The following FBXO28 variants were observed in gnomAD, a reference collection of about 807,000 sequenced individuals.
FBXO28 encodes F-box protein 28.
Under a neutral mutation model 38.1 loss-of-function variants are expected in FBXO28, and 8 were observed. The ratio of observed to expected loss-of-function variants is 0.21; its 90% CI spans 0.12 to 0.38. The LOEUF (loss-of-function observed/expected upper bound fraction) is 0.38. Ranked by LOEUF, FBXO28 falls within the 10% of genes least tolerant of loss-of-function variation. The pLI, the probability that FBXO28 is intolerant of heterozygous loss-of-function variation, is 1.00. For synonymous variants in FBXO28, 168 were observed against 173.8 expected (o/e 0.97, Z 0.26); for missense variants, 345 against 460.6 (o/e 0.75, Z 2.30).
intron 3 of FBXO28, among the ~76,000 whole-genome samples, chr1:224,149,568 A>G (rs1572024550): frequency 6.6e-6 from 1 of 152,286 alleles, no homozygotes; most frequent in East Asian, 1.9e-4. Flanking sequence ...AATTAATGTT[A>G]AACAATTAAT....
intron 3 of FBXO28, among the ~76,000 whole-genome samples, chr1:224,134,598 T>G (rs1192522364): frequency 6.6e-6 from 1 of 152,184 alleles, no homozygotes; most frequent in Non-Finnish European, 1.5e-5. Flanking sequence ...TTTTGTTTTG[T>G]TTGAGAAATG....
intron 2 of FBXO28, among the ~76,000 whole-genome samples, 172 bp from the exon 3 acceptor site, chr1:224,133,902 G>T (rs951044202): frequency 6.6e-6 from 1 of 151,858 alleles, no homozygotes; most frequent in Non-Finnish European, 1.5e-5. Context: ...CTTTGGTAAC[G>T]ATTTCTAGGC....
chr1:224,146,979 T>C (rs1572022785), intron 3 of FBXO28, among the ~76,000 whole-genome samples: 1 of 151,704 alleles, frequency 6.6e-6, no homozygotes, highest in African/African-American at 2.4e-5. Flanking sequence ...GTGCTGGGAT[T>C]ACAGGCGTGA....
intron 2 of FBXO28, among the ~76,000 whole-genome samples, chr1:224,132,414 C>T (rs1018842692): frequency 1.3e-5 from 2 of 152,158 alleles, no homozygotes; most frequent in Non-Finnish European, 2.9e-5. Flanking sequence ...ACTAGGATGG[C>T]TACAATGGAA....
chr1:224,154,775 G>A (rs910532286), intron 4 of FBXO28, among the ~76,000 whole-genome samples: 3 of 149,826 alleles, frequency 2.0e-5, no homozygotes, highest in Non-Finnish European at 4.4e-5. Flanking sequence ...TCGTGCCACT[G>A]CACTCCAGCC....
Position 224,114,251 on chromosome 1 carries a change from C to T in FBXO28, c.122C>T (p.Pro41Leu), listed in dbSNP as rs1299964910. 6 of 1,554,120 alleles carry T rather than the reference C, an allele frequency of 3.9e-6. No individual in the cohort carries two copies. The highest frequency in any genetic ancestry group is 2.7e-5 in the African/African-American group (2 of 73,368). Residue 41 changes from proline to leucine, a missense_variant, in exon 1 of 5, where the codon CCG becomes CTG. Pro to Leu is a moderately conservative substitution (Grantham distance 98, BLOSUM62 -3). Transcript: ENST00000366862. ...RQPPPPAPQH[P>L]QPGSQALPAP... ...CCTCCACCGCCCGCGCCACAGCACCCGCAGCCGGGGTCCCAGGCGCTCCCA... is the reference window on the plus strand; with the variant it reads ...CCTCCACCGCCCGCGCCACAGCACCTGCAGCCGGGGTCCCAGGCGCTCCCA...
intron 3 of FBXO28, among the ~76,000 whole-genome samples, chr1:224,152,317 G>A (rs114371346): frequency 0.012 from 1,775 of 152,262 alleles, 38 homozygotes; most frequent in African/African-American, 0.038. Context: ...TAGAGCACAT[G>A]GGGGCAGTAT....
chr1:224,140,883 T>G (rs905876851), intron 3 of FBXO28, among the ~76,000 whole-genome samples: 5 of 141,990 alleles, frequency 3.5e-5, no homozygotes, highest in African/African-American at 1.3e-4. Context: ...GAGGTGGAGG[T>G]TGCAGTGAGC....
chr1:224,157,987 A>G lies in FBXO28; in HGVS notation c.*241A>G. On this transcript the variant is annotated 3_prime_UTR_variant, in exon 5 of 5. Coordinates refer to ENST00000366862, the MANE Select transcript of FBXO28 (RefSeq NM_015176.4). The stretch of plus-strand genomic sequence containing the variant: ...ACCAGACCTGTTCTATCATGTTTTG[A>G]GGAGTTAACTTTTTTCTGTGCAGAT... The G allele has an allele frequency of 3.2e-6, 4 of 1,268,610 alleles. No individual in the cohort carries two copies. The highest frequency in any genetic ancestry group is 4.0e-6 in the Non-Finnish European group (4 of 1,009,334). 78.6% of individuals were successfully genotyped at this position (1,268,610 alleles called of 1,614,324 possible). A position where few individuals can be genotyped will look rare whatever the true frequency, so the allele number is the denominator to read the frequency against.
intron 3 of FBXO28, among the ~76,000 whole-genome samples, chr1:224,147,005 CA>C (rs1657524628): frequency 6.6e-6 from 1 of 151,646 alleles, no homozygotes; most frequent in Non-Finnish European, 1.5e-5. Flanking sequence ...CGTGCCTGGC[CA>C]AAAATATTTT....
chr1:224,143,424 T>C (rs1389349055), intron 3 of FBXO28, among the ~76,000 whole-genome samples: 1 of 152,146 alleles, frequency 6.6e-6, no homozygotes, highest in Non-Finnish European at 1.5e-5. Context: ...GAGGGTGCCC[T>C]GCAGTGAGAT....
chr1:224,148,831 C>G (rs1657572901), intron 3 of FBXO28, among the ~76,000 whole-genome samples: 1 of 128,576 alleles, frequency 7.8e-6, no homozygotes, highest in African/African-American at 3.0e-5. Flanking sequence ...TCCTCCTGCT[C>G]TAACTTCCCT....
At chr1:224,148,426 G>T (rs145758928) in intron 3 of FBXO28, among the ~76,000 whole-genome samples, 2 of 152,086 alleles carry the variant, frequency 1.3e-5, no homozygotes, top group Non-Finnish European at 2.9e-5. Context: ...CGAGGCAGGC[G>T]GATCATGAGG....
intron 3 of FBXO28, among the ~76,000 whole-genome samples, chr1:224,151,085 A>T (rs187619611): frequency 2.6e-5 from 4 of 152,278 alleles, no homozygotes; most frequent in Non-Finnish European, 4.4e-5. Context: ...GTAAGTTTTT[A>T]TTGGGGAAAG....
At chr1:224,119,001 T>C (rs1218378383) in intron 1 of FBXO28, among the ~76,000 whole-genome samples, 1 of 152,182 alleles carries the variant, frequency 6.6e-6, no homozygotes, top group Non-Finnish European at 1.5e-5. Flanking sequence ...TGAGAATAGT[T>C]TGGCCTTGCA....
rs746565046 is a variant in FBXO28 at position 224,158,688 on chromosome 1, C to G, written c.*942C>G. 6.6e-6 allele frequency: 1 copy of G among 152,188 alleles called. No individual in the cohort carries two copies. The highest frequency in any genetic ancestry group is 2.4e-5 in the African/African-American group (1 of 41,440). 9.4% of individuals were successfully genotyped at this position (152,188 alleles called of 1,614,324 possible). A position where few individuals can be genotyped will look rare whatever the true frequency, so the allele number is the denominator to read the frequency against. ...AGAACCCCAAATTTCAAGGCTCTTTCTATCAATATTGGACCTCTGGGAGCT... is the reference window on the plus strand; with the variant it reads ...AGAACCCCAAATTTCAAGGCTCTTTGTATCAATATTGGACCTCTGGGAGCT... On this transcript the variant is annotated 3_prime_UTR_variant, in exon 5 of 5. Transcript: ENST00000366862.
At chr1:224,137,567 A>G (rs1339029380) in intron 3 of FBXO28, among the ~76,000 whole-genome samples, 1 of 151,796 alleles carries the variant, frequency 6.6e-6, no homozygotes, top group East Asian at 1.9e-4. Context: ...AATCCACAAG[A>G]ATGGTGAGAT....
intron 1 of FBXO28, among the ~76,000 whole-genome samples, chr1:224,120,023 C>T (rs7546034): frequency 0.041 from 6,187 of 152,242 alleles, 373 homozygotes; most frequent in African/African-American, 0.13. Context: ...AAACAACTTC[C>T]GTCTCGTATC....
intron 3 of FBXO28, among the ~76,000 whole-genome samples, chr1:224,142,926 A>G (rs1657396196): frequency 1.3e-5 from 2 of 152,008 alleles, no homozygotes. Context: ...AGCCTGGGGG[A>G]CAGAAAGACA....
Sources: gnomAD v4.1 joint callset for allele counts (sites outside exome capture counted in the v4.1 genomes callset) on GRCh38, gnomAD v4.1.1 for gene constraint, MANE v1.5 for transcripts, NCBI Gene and HGNC (gene_info 2026-07-23, HGNC 2026-07-21) for gene names.